Variants in BDP1 observed in about 807,000 individuals in gnomAD.
The protein encoded by BDP1 is BDP1 general transcription factor IIIB subunit.
A neutral mutation model predicts 266.6 loss-of-function variants in BDP1; 169 were observed. The ratio of observed to expected loss-of-function variants is 0.63; its 90% CI spans 0.56 to 0.72. The LOEUF is 0.72. BDP1 is among the 30% of genes least tolerant of loss of function. The pLI is 0.00. For synonymous variants in BDP1, 1,090 were observed against 1,022.4 expected (o/e 1.07, Z -1.26); for missense variants, 3,015 against 3,053.8 (o/e 0.99, Z 0.30).
intron 2 of BDP1, among the ~76,000 whole-genome samples, chr5:71,461,060 G>A (rs1436211915): frequency 6.6e-6 from 1 of 152,148 alleles, no homozygotes; most frequent in East Asian, 1.9e-4. Flanking sequence ...GTTCACTGCA[G>A]CCTCAACCTC....
intron 24 of BDP1, 35 bp from the exon 25 acceptor site, chr5:71,523,904 A>G (rs1482239306): frequency 1.3e-6 from 2 of 1,561,806 alleles, no homozygotes; most frequent in African/African-American, 2.7e-5. Flanking sequence ...CCTTGCATGC[A>G]TATGACCTTA....
intron 26 of BDP1, among the ~76,000 whole-genome samples, chr5:71,533,468 A>ATTTT (rs35347206): frequency 8.0e-6 from 1 of 124,794 alleles, no homozygotes. Flanking sequence ...TGTTCGGTGG[A>ATTTT]TTTTTTTTTT....
At chr5:71,517,497 A>G (rs751252292) in intron 22 of BDP1, 45 bp downstream of exon 22, 1 of 1,508,170 alleles carries the variant, frequency 6.6e-7, no homozygotes, top group South Asian at 1.3e-5. Flanking sequence ...TTCAAAGATA[A>G]AAGTTATATT....
chr5:71,490,049 G>A lies in BDP1; in HGVS notation c.1492+367G>A, dbSNP rs573085135. On this transcript the variant is annotated intron_variant, in intron 10 of 38. Coordinates refer to ENST00000358731, the MANE Select transcript of BDP1 (RefSeq NM_018429.3). ...ACAGAGCACCTCTGTGAACCCACAA[G>A]GGGTTAGTTCCTATAAAAGAACTAG... Among the ~76,000 whole-genome samples, 3 of 152,276 alleles carry A rather than the reference G, an allele frequency of 2.0e-5. No homozygotes were observed. In the East Asian group the frequency reaches 5.8e-4, roughly 29 times the overall value.
intron 36 of BDP1, 67 bp from the exon 37 acceptor site, chr5:71,559,915 A>G: frequency 6.6e-7 from 1 of 1,518,904 alleles, no homozygotes; most frequent in Non-Finnish European, 8.9e-7. Context: ...TTCTTTTCAA[A>G]TGCTGGGATT....
At chr5:71,514,919 A>G (rs1765141104) in intron 19 of BDP1, 25 bp from the exon 20 acceptor site, 1 of 1,545,248 alleles carries the variant, frequency 6.5e-7, no homozygotes, top group Non-Finnish European at 8.7e-7. Context: ...GCAACTGTGA[A>G]TGAAATTTTT....
At chr5:71,507,816 G>C (rs925820383) in intron 16 of BDP1, among the ~76,000 whole-genome samples, 1 of 152,184 alleles carries the variant, frequency 6.6e-6, no homozygotes, top group Non-Finnish European at 1.5e-5. Flanking sequence ...CTTCAGTTAT[G>C]TAAACAAGTA....
At chr5:71,542,366 A>T in intron 30 of BDP1, 101 bp downstream of exon 30, 1 of 1,069,216 alleles carries the variant, frequency 9.4e-7, no homozygotes, top group South Asian at 1.6e-5. Context: ...TTTAACTTAC[A>T]ATAAAATAGT....
At chr5:71,466,439 TTAACC>T (rs1486982083) in intron 5 of BDP1, among the ~76,000 whole-genome samples, 1 of 152,258 alleles carries the variant, frequency 6.6e-6, no homozygotes, top group Non-Finnish European at 1.5e-5. Context: ...CTATCATCTA[TTAACC>T]TAACACCATT....
At chr5:71,467,567 C>G (rs1432189938) in intron 6 of BDP1, 80 bp downstream of exon 6, 11 of 1,217,008 alleles carry the variant, frequency 9.0e-6, no homozygotes, top group Non-Finnish European at 1.2e-5. Context: ...CAGTTCTCCC[C>G]TAAGTACATA....
Position 71,522,438 on chromosome 5 carries a change from C to T in BDP1, c.5141C>T (p.Pro1714Leu). 1.2e-6 allele frequency: 2 copies of T among 1,611,752 alleles called. No homozygotes were observed. Among genetic ancestry groups the T allele is most frequent in the South Asian group, 1.1e-5 (1 of 90,954 alleles). The stretch of plus-strand genomic sequence containing the variant: ...ACAGATCAGAGCAAGGAAGGCAAGC[C>T]AGAAGATCATTTGCTGCAGAAAGGA... ...VTTDQSKEGKPEDHLLQKGAS... is the reference protein window; with the variant it reads ...VTTDQSKEGKLEDHLLQKGAS... Residue 1714 changes from proline (P) to leucine (L), a missense_variant, in exon 23 of 39, where the codon CCA becomes CTA. Around this residue, in one of 3 missense-constraint regions of BDP1, gnomAD observed 2,383 missense variants for 2,404.9 expected, o/e 0.99. Transcript: ENST00000358731.
intron 8 of BDP1, 52 bp from the exon 9 acceptor site, chr5:71,486,432 A>C: frequency 6.9e-7 from 1 of 1,444,248 alleles, no homozygotes; most frequent in Non-Finnish European, 9.3e-7. Flanking sequence ...AAAAGCTAGA[A>C]GTAGCTTTTA....
In BDP1 at chr5:71,510,399, A is replaced by C. The variant is rs577104137; in HGVS notation, c.3307A>C (p.Asn1103His). Residue 1103 changes from asparagine to histidine, a missense_variant, in exon 17 of 39, where the codon AAT becomes CAT. Asn to His is a moderately conservative substitution (Grantham distance 68, BLOSUM62 1). This residue lies in a region of BDP1 where 2,383 missense variants were observed against 2,404.9 expected (regional missense o/e 0.99). Coordinates refer to ENST00000358731, the MANE Select transcript of BDP1 (RefSeq NM_018429.3). ...TGAAAGAGAAATATCCCCACAGGAA[A>C]ATGGCCTAGAGGAGGTTAAGCCTCT... ...ETEREISPQE[N>H]GLEEVKPLGE... The C allele has an allele frequency of 6.2e-7, 1 of 1,614,112 alleles. No individual in the cohort carries two copies. The highest frequency in any genetic ancestry group is 1.1e-5 in the South Asian group (1 of 91,068).
chr5:71,521,738 C>T (rs528942048), intron 22 of BDP1, among the ~76,000 whole-genome samples: 8 of 152,314 alleles, frequency 5.3e-5, no homozygotes, highest in African/African-American at 1.9e-4. Context: ...TTGGCAGATA[C>T]AGACGGATTA....
the BDP1 span, among the ~76,000 whole-genome samples, chr5:71,573,294 C>A: frequency 6.6e-6 from 1 of 151,614 alleles, no homozygotes; most frequent in Non-Finnish European, 1.5e-5. Flanking sequence ...TGGCCTATAC[C>A]ACCTGCTCCA....
At chr5:71,514,453 T>C (rs1328384647) in intron 19 of BDP1, among the ~76,000 whole-genome samples, 1 of 152,200 alleles carries the variant, frequency 6.6e-6, no homozygotes, top group Non-Finnish European at 1.5e-5. Context: ...ATTTTGAATA[T>C]ATCCACTTAC....
Position 71,490,996 on chromosome 5 carries a change from C to T in BDP1, c.1505C>T (p.Ala502Val), listed in dbSNP as rs1483849282. ...TTTGTATTTGTAGATAAATGTCAGG[C>T]TATAAGGCCTGAGCTAAAGGAAGGT... ...KGEKHKNKCQ[A>V]IRPELKEGEC... The change falls in exon 11 of 39, where the codon GCT becomes GTT. Residue 502 changes from alanine (A) to valine (V), a missense_variant. Coordinates refer to ENST00000358731, the MANE Select transcript of BDP1 (RefSeq NM_018429.3). 6 of 1,606,278 alleles carry T rather than the reference C, an allele frequency of 3.7e-6. No homozygotes were observed. In the South Asian group the frequency reaches 6.8e-5, roughly 18 times the overall value.
chr5:71,500,561 A>G (rs991433035), intron 13 of BDP1, among the ~76,000 whole-genome samples: 2 of 151,786 alleles, frequency 1.3e-5, no homozygotes, highest in Non-Finnish European at 2.9e-5. Context: ...TTCTGACCTC[A>G]GGTGGTCCAC....
intron 24 of BDP1, among the ~76,000 whole-genome samples, chr5:71,523,276 A>G (rs1765600890): frequency 6.6e-6 from 1 of 152,162 alleles, no homozygotes; most frequent in African/African-American, 2.4e-5. Flanking sequence ...AGGATAAACT[A>G]ATACCACATT....
Sources: gnomAD v4.1 joint callset for allele counts (sites outside exome capture counted in the v4.1 genomes callset) on GRCh38, gnomAD v4.1.1 for gene constraint, gnomAD v4.1.1 regional missense constraint, MANE v1.5 for transcripts, NCBI Gene and HGNC (gene_info 2026-07-23, HGNC 2026-07-21) for gene names.